Variants in MAP3K7 observed in about 807,000 individuals in gnomAD.
The protein encoded by MAP3K7 is TGF-beta activated kinase 1.
MAP3K7 carries 21 observed loss-of-function variants against 84.8 expected under a neutral mutation model. The observed-to-expected ratio is 0.25, with a 90% CI of 0.18 to 0.36. MAP3K7 has a LOEUF of 0.36. Ranked by LOEUF, MAP3K7 falls within the 10% of genes least tolerant of loss-of-function variation. MAP3K7 has a pLI of 1.00. For missense variants in MAP3K7, 503 were observed against 747.7 expected, an observed-to-expected ratio of 0.67 and a Z score of 3.82; for synonymous variants, 241 against 247.7, an observed-to-expected ratio of 0.97 and a Z score of 0.25.
chr6:90,519,436 G>C, intron 14 of MAP3K7, 117 bp from the exon 15 acceptor site: 2 of 662,962 alleles, frequency 3.0e-6, no homozygotes, highest in Non-Finnish European at 5.2e-6. Flanking sequence ...TAAATTAAAA[G>C]TTACAGCTAT....
chr6:90,518,415 A>G (rs1775041093), intron 16 of MAP3K7, 32 bp downstream of exon 16: 1 of 1,147,146 alleles, frequency 8.7e-7, no homozygotes, highest in African/African-American at 1.6e-5. Flanking sequence ...ATACTAATGT[A>G]TTTTTATTTT....
At chr6:90,529,339 T>A (rs190852654) in intron 13 of MAP3K7, among the ~76,000 whole-genome samples, 21 of 150,576 alleles carry the variant, frequency 1.4e-4, no homozygotes, top group Admixed American at 2.6e-4. Context: ...GGTGTTTTTG[T>A]AGTTGAAAAC....
chr6:90,543,961 A>C (rs1372381385), intron 12 of MAP3K7, among the ~76,000 whole-genome samples: 1 of 152,166 alleles, frequency 6.6e-6, no homozygotes, highest in African/African-American at 2.4e-5. Context: ...TCCTGATAAT[A>C]CACAAAAATC....
intron 13 of MAP3K7, among the ~76,000 whole-genome samples, chr6:90,527,433 T>TA (rs1562080634): frequency 6.6e-6 from 1 of 151,520 alleles, no homozygotes; most frequent in Admixed American, 6.6e-5. Flanking sequence ...TGGCTAATTT[T>TA]AAAAAAAATT....
intron 13 of MAP3K7, among the ~76,000 whole-genome samples, chr6:90,529,179 C>T (rs1347188987): frequency 6.6e-6 from 1 of 152,220 alleles, no homozygotes; most frequent in East Asian, 1.9e-4. Context: ...TCTCCATCAG[C>T]AGGTTTACCT....
At chr6:90,527,489 A>G (rs1582167312) in intron 13 of MAP3K7, among the ~76,000 whole-genome samples, 1 of 150,194 alleles carries the variant, frequency 6.7e-6, no homozygotes, top group East Asian at 2.0e-4. Flanking sequence ...CTGGTCTTGA[A>G]CTCCTGGGCT....
At chr6:90,518,299 A>T (rs1775037076) in intron 16 of MAP3K7, 148 bp downstream of exon 16, 1 of 555,776 alleles carries the variant, frequency 1.8e-6, no homozygotes, top group African/African-American at 1.9e-5. Context: ...TGCATAAAAA[A>T]TTTTTAGTAA....
At chr6:90,571,848 AC>A in intron 1 of MAP3K7, 41 bp from the exon 2 acceptor site, 1 of 1,164,232 alleles carries the variant, frequency 8.6e-7, no homozygotes, top group Admixed American at 2.1e-5. Flanking sequence ...AAAAAACACC[AC>A]AAGAATCGGA....
chr6:90,525,030 AAGAG>A (rs1013828248), intron 13 of MAP3K7, among the ~76,000 whole-genome samples: 4 of 143,750 alleles, frequency 2.8e-5, no homozygotes, highest in East Asian at 2.0e-4. Flanking sequence ...AAAGAAAAGA[AAGAG>A]AAATAAAACA....
chr6:90,526,897 A>G (rs1470845368), intron 13 of MAP3K7, among the ~76,000 whole-genome samples: 3 of 152,130 alleles, frequency 2.0e-5, no homozygotes, highest in Admixed American at 1.3e-4. Context: ...GAAGGCAGTA[A>G]AAATCAATAT....
intron 12 of MAP3K7, among the ~76,000 whole-genome samples, chr6:90,544,012 C>T (rs896890313): frequency 6.6e-6 from 1 of 152,012 alleles, no homozygotes; most frequent in Non-Finnish European, 1.5e-5. Context: ...TGGCAAGATA[C>T]CCTGCAAAAC....
chr6:90,533,334 GTTTAATA>G (rs1775566499), intron 13 of MAP3K7, among the ~76,000 whole-genome samples: 1 of 152,192 alleles, frequency 6.6e-6, no homozygotes, highest in African/African-American at 2.4e-5. Flanking sequence ...AAAGAGTTGG[GTTTAATA>G]TTTATTGCAG....
intron 13 of MAP3K7, among the ~76,000 whole-genome samples, chr6:90,533,543 A>G (rs1328388790): frequency 6.6e-6 from 1 of 152,168 alleles, no homozygotes; most frequent in Non-Finnish European, 1.5e-5. Flanking sequence ...CAGAGTGAGG[A>G]CCAAGCTGTA....
intron 1 of MAP3K7, among the ~76,000 whole-genome samples, 183 bp from the exon 2 acceptor site, chr6:90,571,990 G>A (rs1487957494): frequency 1.3e-5 from 2 of 150,886 alleles, no homozygotes; most frequent in East Asian, 3.9e-4. Context: ...GTTAAAGTGA[G>A]AAGATAATTA....
chr6:90,527,732 G>A (rs767794095), intron 13 of MAP3K7, among the ~76,000 whole-genome samples: 3 of 152,170 alleles, frequency 2.0e-5, no homozygotes, highest in Non-Finnish European at 4.4e-5. Context: ...CATTCCTTAA[G>A]CTGGGTGGTG....
intron 8 of MAP3K7, chr6:90,551,837 A>G: frequency 2.3e-6 from 1 of 442,412 alleles, no homozygotes; most frequent in Non-Finnish European, 3.8e-6. Context: ...CTAGAAACCT[A>G]GTCTAGCCAT....
intron 1 of MAP3K7, among the ~76,000 whole-genome samples, chr6:90,584,955 T>G (rs1464685763): frequency 6.6e-6 from 1 of 152,100 alleles, no homozygotes; most frequent in Non-Finnish European, 1.5e-5. Flanking sequence ...AAAAAGAAAC[T>G]AAAAACATTT....
chr6:90,553,170 TAA>T (rs1776233420), intron 7 of MAP3K7, among the ~76,000 whole-genome samples: 1 of 152,120 alleles, frequency 6.6e-6, no homozygotes, highest in African/African-American at 2.4e-5. Flanking sequence ...TGCTTCTCCC[TAA>T]GAGAGAGCCA....
At chr6:90,542,698 A>G (rs1329724478) in intron 12 of MAP3K7, among the ~76,000 whole-genome samples, 2 of 152,032 alleles carry the variant, frequency 1.3e-5, no homozygotes, top group African/African-American at 4.8e-5. Flanking sequence ...AAACAGCTAT[A>G]ATTTCATCCG....
Sources: gnomAD v4.1 joint callset for allele counts (sites outside exome capture counted in the v4.1 genomes callset) on GRCh38, gnomAD v4.1.1 for gene constraint, MANE v1.5 for transcripts, NCBI Gene and HGNC (gene_info 2026-07-23, HGNC 2026-07-21) for gene names.